Variants in ZC3H13 observed in about 807,000 individuals in gnomAD.
The protein encoded by ZC3H13 is zinc finger CCCH domain-containing protein 13.
In ZC3H13, 64 loss-of-function variants were observed where a neutral mutation model predicts 204.1. The ratio of observed to expected loss-of-function variants is 0.31; its 90% CI spans 0.26 to 0.39. The LOEUF is 0.39. Among genes scored for constraint, ZC3H13 ranks in the 10% least tolerant of loss-of-function variants. The pLI, the probability that ZC3H13 is intolerant of heterozygous loss-of-function variation, is 1.00. For synonymous variants in ZC3H13, 667 were observed against 693.7 expected (o/e 0.96, Z 0.60); for missense variants, 1,833 against 2,082.7 (o/e 0.88, Z 2.33).
At chr13:46,012,263 T>C (rs1271739830) in intron 5 of ZC3H13, among the ~76,000 whole-genome samples, 1 of 139,170 alleles carries the variant, frequency 7.2e-6, no homozygotes, top group Non-Finnish European at 1.6e-5. Context: ...TGTAGATCTA[T>C]TTCATTAAAA....
intron 3 of ZC3H13, among the ~76,000 whole-genome samples, chr13:46,044,583 C>A (rs1250165853): frequency 6.6e-6 from 1 of 151,724 alleles, no homozygotes; most frequent in Admixed American, 6.6e-5. Context: ...AAAATTATAC[C>A]CTATTTGAAT....
At chr13:45,958,648 GTTTTTTTTTTT>G (rs10539884) in intron 18 of ZC3H13, among the ~76,000 whole-genome samples, 2 of 123,706 alleles carry the variant, frequency 1.6e-5, no homozygotes, top group African/African-American at 6.1e-5. Context: ...AAAAATCCCA[GTTTTTTTTTTT>G]TTTTTTTTTT....
chr13:45,965,143 G>C (rs1951978552), intron 16 of ZC3H13, 137 bp downstream of exon 16: 1 of 1,058,116 alleles, frequency 9.5e-7, no homozygotes, highest in African/African-American at 1.7e-5. Flanking sequence ...CATTTTATTG[G>C]CCTTTCAACC....
intron 9 of ZC3H13, among the ~76,000 whole-genome samples, chr13:45,986,423 CTT>C (rs1021305446): frequency 2.0e-5 from 3 of 152,168 alleles, no homozygotes; most frequent in African/African-American, 7.2e-5. Context: ...GAAGATGAGA[CTT>C]TTTCTCTTTA....
At chr13:46,027,634 A>T (rs181706087) in intron 4 of ZC3H13, among the ~76,000 whole-genome samples, 7 of 152,358 alleles carry the variant, frequency 4.6e-5, no homozygotes, top group Non-Finnish European at 7.3e-5. Flanking sequence ...CCAATCCTTT[A>T]AAGAGCAGAA....
chr13:46,044,862 CA>C (rs2043835112), intron 3 of ZC3H13, 92 bp downstream of exon 3: 1 of 817,170 alleles, frequency 1.2e-6, no homozygotes, highest in Non-Finnish European at 1.8e-6. Context: ...AAAATCTGAC[CA>C]AATATATGGT....
chr13:46,013,055 A>C (rs550911634), intron 5 of ZC3H13, among the ~76,000 whole-genome samples: 7 of 152,334 alleles, frequency 4.6e-5, no homozygotes, highest in South Asian at 2.1e-4. Context: ...AAGAAAGAAG[A>C]AGCTGGCTTT....
In ZC3H13 at chr13:45,988,877, G is replaced by A. The variant is rs748657820; in HGVS notation, c.1165C>T (p.Pro389Ser). The A allele has an allele frequency of 8.7e-6, 14 of 1,614,064 alleles. No homozygotes were observed. Among genetic ancestry groups the A allele is most frequent in the African/African-American group, 1.3e-5 (1 of 74,922 alleles). ...LSSPQRKQSP[P>S]RHRSPMREKG... ...TCTCGCATTGGAGAGCGATGTCTTG[G>A]AGGACTCTGCTTTCTCTGGGGAGAC... Residue 389 changes from proline (P) to serine (S), a missense_variant, in exon 9 of 19, where the codon CCA (proline) becomes TCA (serine). Around this residue, in one of 5 missense-constraint regions of ZC3H13, gnomAD observed 1,574 missense variants for 1,757.2 expected, o/e 0.90. Coordinates refer to ENST00000679008, the MANE Select transcript of ZC3H13 (RefSeq NM_001330564.2).
At position 46,052,664 on chromosome 13, in the gene ZC3H13, A is replaced by C. The variant is rs2044569902; in HGVS notation, c.-270T>G. 1 of 398,816 alleles carries C rather than the reference A, an allele frequency of 2.5e-6. No homozygotes were observed. The highest frequency in any genetic ancestry group is 4.4e-6 in the Non-Finnish European group (1 of 226,244). The allele number at this position is 398,816 out of a possible 1,614,324, so 24.7% of individuals were successfully genotyped here. A position where few individuals can be genotyped will look rare whatever the true frequency, so the allele number is the denominator to read the frequency against. On this transcript the variant is annotated 5_prime_UTR_variant, in exon 1 of 19. Coordinates refer to ENST00000679008, the MANE Select transcript of ZC3H13 (RefSeq NM_001330564.2). ...TCGCAGGAAGAAAAATAACGAAGAGATTGTAGATTAAGAAAAGGCAACAAA... is the reference window on the plus strand; with the variant it reads ...TCGCAGGAAGAAAAATAACGAAGAGCTTGTAGATTAAGAAAAGGCAACAAA...
At chr13:45,980,154 G>T in intron 10 of ZC3H13, 150 bp from the exon 11 acceptor site, 1 of 674,284 alleles carries the variant, frequency 1.5e-6, no homozygotes, top group Non-Finnish European at 2.2e-6. Flanking sequence ...ATCAAGCAAT[G>T]AATCAGAACA....
intron 2 of ZC3H13, 31 bp downstream of exon 2, chr13:46,045,360 A>AGCCCCTGTG: frequency 2.6e-6 from 4 of 1,529,634 alleles, no homozygotes; most frequent in Non-Finnish European, 3.6e-6. Flanking sequence ...ATTCTAAGAG[A>AGCCCCTGTG]ACCCCTGTGA....
chr13:46,028,364 C>G (rs942904002), intron 4 of ZC3H13, among the ~76,000 whole-genome samples: 1 of 152,132 alleles, frequency 6.6e-6, no homozygotes, highest in Admixed American at 6.5e-5. Context: ...GAAATTCACT[C>G]TTATGGTTGA....
rs1353320343 is a variant in ZC3H13, at chr13:45,968,048, T to C, written c.3797-20A>G. On this transcript the variant is annotated intron_variant, in intron 14 of 18. Coordinates refer to ENST00000679008, the MANE Select transcript of ZC3H13 (RefSeq NM_001330564.2). ...GGCGATCTAAAATAAATATACCATA[T>C]ATAAAGAGTTATTAGCACATGATAA... The C allele has an allele frequency of 1.3e-6, 2 of 1,540,776 alleles. No individual in the cohort carries two copies. The highest frequency in any genetic ancestry group is 8.7e-7 in the Non-Finnish European group (1 of 1,149,916).
At chr13:46,001,060 G>A (rs367785580) in intron 8 of ZC3H13, 1 of 152,110 alleles carries the variant, frequency 6.6e-6, no homozygotes, top group Non-Finnish European at 1.5e-5. Context: ...CAATTACAAT[G>A]GTAATGCGAC....
intron 8 of ZC3H13, among the ~76,000 whole-genome samples, chr13:45,993,154 G>T (rs2040084614): frequency 6.6e-6 from 1 of 152,062 alleles, no homozygotes; most frequent in South Asian, 2.1e-4. Flanking sequence ...GACAATTTCT[G>T]CTAATTAATG....
chr13:46,027,878 A>G (rs558369812), intron 4 of ZC3H13, among the ~76,000 whole-genome samples: 1 of 152,332 alleles, frequency 6.6e-6, no homozygotes, highest in South Asian at 2.1e-4. Context: ...CAAATTTTAA[A>G]CCAAAAAAGG....
intron 17 of ZC3H13, 110 bp downstream of exon 17, chr13:45,963,732 A>T: frequency 6.7e-7 from 1 of 1,503,614 alleles, no homozygotes; most frequent in South Asian, 1.4e-5. Context: ...TTTCTCAAAA[A>T]ATAGTTTCTA....
At chr13:46,048,711 G>C (rs2139250433) in intron 1 of ZC3H13, among the ~76,000 whole-genome samples, 1 of 151,060 alleles carries the variant, frequency 6.6e-6, no homozygotes, top group East Asian at 2.0e-4. Flanking sequence ...TTTCCACAGA[G>C]ACAAAATTGC....
chr13:45,967,979 T>C lies in ZC3H13; in HGVS notation c.3846A>G (p.Ser1282=). The change falls in exon 15 of 19, where the codon TCA becomes TCG. Residue 1282 remains serine (S), a synonymous_variant. Coordinates refer to ENST00000679008, the MANE Select transcript of ZC3H13 (RefSeq NM_001330564.2). ...CAGATCTTGAATGGACCTGTCGATC[T>C]GACTCTGGAGAACTTCTTCTTGAAC... ...SHSSRRSSPE[S]DRQVHSRSGS... 6.2e-7 allele frequency: 1 copy of C among 1,612,918 alleles called. No individual in the cohort carries two copies. The highest frequency in any genetic ancestry group is 8.5e-7 in the Non-Finnish European group (1 of 1,179,562).
Sources: gnomAD v4.1 joint callset for allele counts (sites outside exome capture counted in the v4.1 genomes callset) on GRCh38, gnomAD v4.1.1 for gene constraint, gnomAD v4.1.1 regional missense constraint, MANE v1.5 for transcripts, NCBI Gene and HGNC (gene_info 2026-07-23, HGNC 2026-07-21) for gene names.